Variants in ROS1 observed in about 807,000 individuals in gnomAD.
ROS1 encodes proto-oncogene tyrosine-protein kinase ROS.
A neutral mutation model predicts 273.5 loss-of-function variants in ROS1; 263 were observed. The observed-to-expected ratio is 0.96, with a 90% CI of 0.87 to 1.06. The LOEUF (loss-of-function observed/expected upper bound fraction) is 1.06, where lower values mean the gene tolerates loss of function less well. Ranked by LOEUF, ROS1 falls within the 50% of genes least tolerant of loss-of-function variation. ROS1 has a pLI of 0.00. For synonymous variants in ROS1, 1,008 were observed against 954.1 expected (o/e 1.06, Z -1.04); for missense variants, 2,833 against 2,751.1 (o/e 1.03, Z -0.67).
In ROS1 at chr6:117,389,704, A is replaced by T; in HGVS notation, c.1432T>A (p.Tyr478Asn). Residue 478 changes from tyrosine (Y) to asparagine (N), a missense_variant, in exon 13 of 44, where the codon TAC (tyrosine) becomes AAC (asparagine). Tyr to Asn is a moderately radical substitution (Grantham distance 143). Coordinates refer to ENST00000368507, the MANE Select transcript of ROS1 (RefSeq NM_001378902.1). ...AAGACTTGGGCAGTGTCATTGAAGT[A>T]AATGATTCGCTTGGCTTGTGGCTTG... ...AIKPQAKRII[Y>N]FNDTAQVFMS... 6.2e-7 allele frequency: 1 copy of T among 1,614,164 alleles called. No individual in the cohort carries two copies. Among genetic ancestry groups the T allele is most frequent in the East Asian group, 2.2e-5 (1 of 44,846 alleles).
rs1776495123 is a variant in ROS1, at chr6:117,324,414, A to G, written c.5541T>C (p.Asp1847=). 1 of 1,308,632 alleles carries G rather than the reference A, an allele frequency of 7.6e-7. No individual in the cohort carries two copies. Among genetic ancestry groups the G allele is most frequent in the Non-Finnish European group, 1.1e-6 (1 of 918,218 alleles). The allele number at this position is 1,308,632 out of a possible 1,614,324, so 81.1% of individuals were successfully genotyped here. Residue 1847 remains aspartate (D), a splice_region_variant and synonymous_variant, in exon 35 of 44, where the codon GAT becomes GAC. Coordinates refer to ENST00000368507, the MANE Select transcript of ROS1 (RefSeq NM_001378902.1). ...GISENIILVG[D]DFWIPETSFI... is the part of the protein sequence containing the mutation. ...AACTTGTTTCTGGTATCCAAAAATC[A>G]TCTAATAATATAAATCAGAAAAAGA...
At chr6:117,322,726 AT>A (rs1466980116) in intron 35 of ROS1, among the ~76,000 whole-genome samples, 1 of 152,180 alleles carries the variant, frequency 6.6e-6, no homozygotes, top group Non-Finnish European at 1.5e-5. Flanking sequence ...TGTTATTTTA[AT>A]TACTCAATCT....
Position 117,341,166 on chromosome 6 carries a change from T to C in ROS1, c.5030A>G (p.Asn1677Ser), listed in dbSNP as rs1281997419. 6.2e-7 allele frequency: 1 copy of C among 1,612,792 alleles called. No individual in the cohort carries two copies. The highest frequency in any genetic ancestry group is 2.2e-5 in the East Asian group (1 of 44,860). The stretch of plus-strand genomic sequence containing the variant: ...TAGCTCAACCCAAAATCTGATGAGG[T>C]TAACATTCAATGGAGCCTTCCAATT... ...QFNWKAPLNVNLIRFWVELQK... is the reference protein window; with the variant it reads ...QFNWKAPLNVSLIRFWVELQK... The change falls in exon 31 of 44, where the codon AAC (asparagine) becomes AGC (serine). Residue 1677 changes from asparagine (N) to serine (S), a missense_variant. Asn to Ser is a conservative substitution (Grantham distance 46, BLOSUM62 1). Transcript: ENST00000368507.
rs896120453 is a variant in ROS1 at position 117,313,405 on chromosome 6, T to C, written c.6118-2288A>G. 5.9e-5 allele frequency among the ~76,000 whole-genome samples: 9 copies of C among 152,030 alleles called. No individual in the cohort carries two copies. The South Asian group carries it at 1.9e-3, about 32-fold the overall frequency. ...CAACATGGTGAAATTTTGTCTCTAC[T>C]ACAAAAAATATACAAAAATTAGCTG... is the stretch of plus-strand genomic sequence containing the variant. On this transcript the variant is annotated intron_variant, in intron 39 of 43. Transcript: ENST00000368507.
At chr6:117,356,385 C>G (rs1779304746) in intron 26 of ROS1, among the ~76,000 whole-genome samples, 1 of 152,166 alleles carries the variant, frequency 6.6e-6, no homozygotes, top group South Asian at 2.1e-4. Context: ...CAGTTAAGCT[C>G]ATTAAATTGT....
At chr6:117,369,022 T>C (rs578231321) in intron 18 of ROS1, among the ~76,000 whole-genome samples, 43 of 152,318 alleles carry the variant, frequency 2.8e-4, no homozygotes, top group African/African-American at 9.9e-4. Flanking sequence ...TAATTACATA[T>C]GTGACTTGCA....
intron 18 of ROS1, among the ~76,000 whole-genome samples, chr6:117,372,125 C>T (rs574738810): frequency 3.3e-5 from 5 of 152,248 alleles, no homozygotes; most frequent in South Asian, 2.1e-4. Flanking sequence ...CTATGACAAA[C>T]GCATGGCCAA....
intron 8 of ROS1, 118 bp downstream of exon 8, chr6:117,396,797 T>C (rs1351961841): frequency 2.7e-6 from 2 of 750,784 alleles, no homozygotes; most frequent in Non-Finnish European, 4.4e-6. Context: ...CCCAACACCA[T>C]GGAGTCAGTG....
chr6:117,422,993 A>G (rs1253590857), intron 1 of ROS1, among the ~76,000 whole-genome samples: 1 of 152,058 alleles, frequency 6.6e-6, no homozygotes, highest in Non-Finnish European at 1.5e-5. Flanking sequence ...CCTTCTCAAT[A>G]TTAGTTCCTC....
chr6:117,312,172 CTCT>C (rs1172507998), intron 39 of ROS1, among the ~76,000 whole-genome samples: 5 of 152,114 alleles, frequency 3.3e-5, no homozygotes, highest in Non-Finnish European at 5.9e-5. Context: ...TTCTCAGCCT[CTCT>C]TCTTTATTCC....
chr6:117,350,013 C>T (rs1285442475), intron 27 of ROS1, among the ~76,000 whole-genome samples: 1 of 151,960 alleles, frequency 6.6e-6, no homozygotes, highest in East Asian at 1.9e-4. Context: ...TTTGAACAAA[C>T]TATTATCCAT....
rs928456849 is a variant in ROS1, at chr6:117,353,074, C to T, written c.4219G>A (p.Gly1407Arg). 1 of 1,614,012 alleles carries T rather than the reference C, an allele frequency of 6.2e-7. No individual in the cohort carries two copies. The highest frequency in any genetic ancestry group is 2.2e-5 in the East Asian group (1 of 44,896). ...ACCTGGGAAACGATGGCCCCATTTC[C>T]TTTCTTTGCCTGATAAATCTGTGTG... ...DSTQIYQAKK[G>R]NGAIVSQVKA... The change falls in exon 27 of 44, where the codon GGA (glycine) becomes AGA (arginine). Residue 1407 changes from glycine to arginine, a missense_variant. By Grantham distance (125) the Gly-to-Arg change is moderately radical. Coordinates refer to ENST00000368507, the MANE Select transcript of ROS1 (RefSeq NM_001378902.1).
intron 32 of ROS1, among the ~76,000 whole-genome samples, chr6:117,330,336 C>T (rs1776988230): frequency 6.6e-6 from 1 of 152,082 alleles, no homozygotes; most frequent in African/African-American, 2.4e-5. Context: ...GGGCCTGAGC[C>T]CCTAGGGGGA....
At position 117,362,750 on chromosome 6, in the gene ROS1, C is replaced by A. The variant is rs202010415; in HGVS notation, c.3219G>T (p.Val1073=). 1.2e-5 allele frequency: 20 copies of A among 1,613,714 alleles called. No individual in the cohort carries two copies. Among genetic ancestry groups the A allele is most frequent in the Non-Finnish European group, 1.7e-5 (20 of 1,179,722 alleles). Residue 1073 remains valine, a synonymous_variant, in exon 22 of 44, where the codon GTG becomes GTT. Coordinates refer to ENST00000368507, the MANE Select transcript of ROS1 (RefSeq NM_001378902.1). ...RWNKPKHENG[V]LTKFEIFYNI... is the part of the protein sequence containing the mutation. Reference sequence around the variant, plus strand: ...TGTAGAAAATTTCAAATTTTGTTAACACCCCATTTTCATGCTTAGGTTTGT... The same window carrying A: ...TGTAGAAAATTTCAAATTTTGTTAAAACCCCATTTTCATGCTTAGGTTTGT...
chr6:117,361,747 A>C (rs1395946218), intron 22 of ROS1, among the ~76,000 whole-genome samples: 1 of 151,834 alleles, frequency 6.6e-6, no homozygotes, highest in Non-Finnish European at 1.5e-5. Flanking sequence ...GAATTTTATG[A>C]AAAGAAAAAC....
chr6:117,344,265 A>C lies in ROS1; in HGVS notation c.4304-3T>G. ...AGCTAGAGACAGAAACGCTTTATCT[A>C]AAATAAGAAGAAACCAAAAGATTAA... On this transcript the variant is annotated splice_polypyrimidine_tract_variant and splice_region_variant and intron_variant, in intron 27 of 43. Transcript: ENST00000368507. 1.2e-6 allele frequency: 2 copies of C among 1,610,782 alleles called. No individual in the cohort carries two copies. Among genetic ancestry groups the C allele is most frequent in the Non-Finnish European group, 1.7e-6 (2 of 1,177,284 alleles).
rs1582613950 is a variant in ROS1 at position 117,321,353 on chromosome 6, C to A, written c.5665G>T (p.Gly1889Trp). The change falls in exon 36 of 44, where the codon GGG (glycine) becomes TGG (tryptophan). Residue 1889 changes from glycine to tryptophan, a missense_variant. Physicochemically the swap from Gly to Trp is radical, Grantham distance 184 (BLOSUM62 -2). Transcript: ENST00000368507. Reference protein sequence around the residue: ...RLKNQKSAKEGVTVLINEDKE... With the variant: ...RLKNQKSAKEWVTVLINEDKE... ...TCTTCGTTTATAAGCACTGTCACCC[C>A]TTCCTTGGCACTTTTTTGATTCTTT... 6.2e-7 allele frequency: 1 copy of A among 1,613,314 alleles called. No homozygotes were observed. Among genetic ancestry groups the A allele is most frequent in the African/African-American group, 1.3e-5 (1 of 74,996 alleles).
At chr6:117,296,997 A>G (rs1386937209) in intron 43 of ROS1, among the ~76,000 whole-genome samples, 1 of 152,202 alleles carries the variant, frequency 6.6e-6, no homozygotes, top group Non-Finnish European at 1.5e-5. Context: ...GTAATCAAAC[A>G]GTATGGTACT....
chr6:117,351,236 C>T (rs1177012346), intron 27 of ROS1, among the ~76,000 whole-genome samples: 4 of 152,212 alleles, frequency 2.6e-5, no homozygotes, highest in African/African-American at 4.8e-5. Flanking sequence ...TTTCAGTCCC[C>T]CCACCCCACT....
Sources: allele counts gnomAD v4.1 joint callset (sites outside exome capture counted in the v4.1 genomes callset), GRCh38; gene constraint gnomAD v4.1.1; transcripts MANE v1.5; gene names NCBI Gene and HGNC (gene_info 2026-07-23, HGNC 2026-07-21).